PCNP: variants seen among roughly 807,000 people sequenced by gnomAD.
PCNP encodes PEST proteolytic signal containing nuclear protein.
PCNP carries 6 observed loss-of-function variants against 21.8 expected under a neutral mutation model. That is an observed-to-expected ratio of 0.28 (90% confidence interval 0.15 to 0.54). The LOEUF (loss-of-function observed/expected upper bound fraction) is 0.54. Ranked by LOEUF, PCNP falls within the 20% of genes least tolerant of loss-of-function variation. The pLI, the probability that PCNP is intolerant of heterozygous loss-of-function variation, is 0.95. For missense variants in PCNP, 161 were observed against 215.5 expected (o/e 0.75, Z 1.58); for synonymous variants, 67 against 73.2 (o/e 0.92, Z 0.43).
At chr3:101,574,138 G>A, upstream of PCNP, 2 of 1,514,698 alleles carry the variant, frequency 1.3e-6, no homozygotes, top group Non-Finnish European at 1.8e-6. Context: ...CACGCCGGCT[G>A]GCCCCAAAAA....
intron 1 of PCNP, chr3:101,577,043 T>G: frequency 2.7e-6 from 2 of 744,972 alleles, no homozygotes; most frequent in Non-Finnish European, 2.4e-6. Flanking sequence ...GCTAGAATGG[T>G]CTCAATCTCT....
In PCNP at chr3:101,574,181, T is replaced by G. The variant is rs943053397; in HGVS notation, c.-35T>G. ...GTTGTTGGGCGGGGTCGTGACGTCC[T>G]TGGCGTGGCTGCAGGGGAGGCCGCG... On this transcript the variant is annotated 5_prime_UTR_variant, in exon 1 of 5. Transcript: ENST00000265260. 1 of 1,546,830 alleles carries G rather than the reference T, an allele frequency of 6.5e-7. No individual in the cohort carries two copies. Among genetic ancestry groups the G allele is most frequent in the Non-Finnish European group, 8.7e-7 (1 of 1,144,376 alleles).
intron 3 of PCNP, 36 bp from the exon 4 acceptor site, chr3:101,590,179 A>G (rs760743356): frequency 4.4e-6 from 5 of 1,142,396 alleles, no homozygotes; most frequent in South Asian, 3.8e-5. Flanking sequence ...ATAAGTTTGT[A>G]TGCAGTTATC....
At chr3:101,587,544 G>C (rs1021951061) in intron 3 of PCNP, among the ~76,000 whole-genome samples, 1 of 151,656 alleles carries the variant, frequency 6.6e-6, no homozygotes. Flanking sequence ...AGCCTAGCAG[G>C]GCAGACTTAA....
At chr3:101,592,349 T>A (rs1483269187) in intron 4 of PCNP, among the ~76,000 whole-genome samples, 3 of 152,012 alleles carry the variant, frequency 2.0e-5, no homozygotes, top group Non-Finnish European at 4.4e-5. Context: ...AATTTTCGTA[T>A]TTTTAGTAGA....
chr3:101,591,086 C>T (rs1049626303), intron 4 of PCNP, among the ~76,000 whole-genome samples: 5 of 152,140 alleles, frequency 3.3e-5, no homozygotes, highest in Non-Finnish European at 4.4e-5. Context: ...ACTTCACTTA[C>T]GATATAATTT....
At chr3:101,578,574 T>A (rs1935052315) in intron 1 of PCNP, among the ~76,000 whole-genome samples, 1 of 152,242 alleles carries the variant, frequency 6.6e-6, no homozygotes, top group Admixed American at 6.5e-5. Flanking sequence ...TTACTCCTTG[T>A]CCAAAGGGAA....
At chr3:101,585,774 G>C (rs139540900) in intron 3 of PCNP, among the ~76,000 whole-genome samples, 1 of 152,268 alleles carries the variant, frequency 6.6e-6, no homozygotes, top group Non-Finnish European at 1.5e-5. Flanking sequence ...GTGCTAGGAA[G>C]TATGTAGGAT....
intron 3 of PCNP, 169 bp from the exon 4 acceptor site, chr3:101,590,046 T>C (rs759600222): frequency 3.3e-6 from 2 of 597,944 alleles, no homozygotes. Context: ...AGACAGGCAT[T>C]TATTTTTTAA....
intron 1 of PCNP, among the ~76,000 whole-genome samples, chr3:101,577,306 G>A (rs1434277169): frequency 1.3e-5 from 2 of 152,228 alleles, no homozygotes; most frequent in East Asian, 3.9e-4. Flanking sequence ...ACATAATCAT[G>A]GCCATCTCAA....
intron 4 of PCNP, among the ~76,000 whole-genome samples, chr3:101,591,660 A>G (rs551629174): frequency 6.4e-4 from 96 of 150,494 alleles, no homozygotes; most frequent in African/African-American, 2.3e-3. Context: ...TTTTTCTTCT[A>G]TTTCATTTTT....
chr3:101,578,140 C>T (rs549414371), intron 1 of PCNP, among the ~76,000 whole-genome samples: 1 of 152,090 alleles, frequency 6.6e-6, no homozygotes, highest in Non-Finnish European at 1.5e-5. Context: ...ATAAAGCCAG[C>T]AGGTTTTCTG....
At chr3:101,575,266 A>G (rs971490931) in intron 1 of PCNP, among the ~76,000 whole-genome samples, 14 of 152,210 alleles carry the variant, frequency 9.2e-5, no homozygotes, top group African/African-American at 3.1e-4. Flanking sequence ...ATTATTTAAT[A>G]TGAGAAAATA....
rs1935133389 is a variant in PCNP, at chr3:101,579,873, G to A, written c.148G>A (p.Glu50Lys). 1.2e-6 allele frequency: 2 copies of A among 1,614,000 alleles called. No individual in the cohort carries two copies. Among genetic ancestry groups the A allele is most frequent in the Admixed American group, 3.3e-5 (2 of 60,002 alleles). ...AGGGGAAAGTTCCAGTCGCAGCGCT[G>A]AGAAGCGATCAGCTGAAGAAGAAGC... ...NGGESSSRSA[E>K]KRSAEEEAAD... The change falls in exon 2 of 5, where the codon GAG (glutamate) becomes AAG (lysine). Residue 50 changes from glutamate to lysine, a missense_variant. Glu to Lys is a moderately conservative substitution (Grantham distance 56). Transcript: ENST00000265260.
chr3:101,574,134 G>A (rs571555794), upstream of PCNP: 58 of 1,509,630 alleles, frequency 3.8e-5, no homozygotes, highest in African/African-American at 5.5e-4. Flanking sequence ...CCACCACGCC[G>A]GCTGGCCCCA....
rs1345141335 is a variant in PCNP at position 101,586,736 on chromosome 3, C to T, written c.354+1225C>T. 4.0e-5 allele frequency among the ~76,000 whole-genome samples: 6 copies of T among 151,878 alleles called. No homozygotes were observed. In the South Asian group the frequency reaches 1.2e-3, roughly 32 times the overall value. On this transcript the variant is annotated intron_variant, in intron 3 of 4. Coordinates refer to ENST00000265260, the MANE Select transcript of PCNP (RefSeq NM_020357.3). ...ACCTCAGCCCTCCAAGTAGCTGGAC[C>T]ACAGGCATGCCCCACCATGTTGCCC... is the stretch of plus-strand genomic sequence containing the variant.
intron 3 of PCNP, among the ~76,000 whole-genome samples, chr3:101,587,831 G>A (rs1054263795): frequency 6.6e-6 from 1 of 152,226 alleles, no homozygotes; most frequent in Non-Finnish European, 1.5e-5. Flanking sequence ...AGGATGCAGG[G>A]AATACGTGCA....
At chr3:101,576,980 C>T (rs73157306) in intron 1 of PCNP, 65,559 of 982,986 alleles carry the variant, frequency 0.067, 4,459 homozygotes, top group Admixed American at 0.25. Context: ...TGTAGGCCTC[C>T]TGTGGAGGAG....
intron 4 of PCNP, among the ~76,000 whole-genome samples, chr3:101,590,701 C>T (rs1301284854): frequency 6.6e-6 from 1 of 150,666 alleles, no homozygotes; most frequent in East Asian, 1.9e-4. Context: ...TATGCCATGA[C>T]ACCCGGCTGA....
Sources: allele counts gnomAD v4.1 joint callset (sites outside exome capture counted in the v4.1 genomes callset), GRCh38; gene constraint gnomAD v4.1.1; transcripts MANE v1.5; gene names NCBI Gene and HGNC (gene_info 2026-07-23, HGNC 2026-07-21).